Variants in SRL observed in about 807,000 individuals in gnomAD.
The protein encoded by SRL is sarcalumenin.
SRL carries 23 observed loss-of-function variants against 39.5 expected under a neutral mutation model. The ratio of observed to expected loss-of-function variants is 0.58; its 90% CI spans 0.42 to 0.82. The LOEUF (loss-of-function observed/expected upper bound fraction) is 0.82, where lower values mean the gene tolerates loss of function less well. Ranked by LOEUF, SRL falls within the 40% of genes least tolerant of loss-of-function variation. SRL has a pLI of 0.00. For synonymous variants in SRL, 272 were observed against 237.4 expected (o/e 1.15, Z -1.34); for missense variants, 592 against 607.8 (o/e 0.97, Z 0.27).
intron 1 of SRL, among the ~76,000 whole-genome samples, chr16:4,237,821 C>G (rs2052729211): frequency 6.6e-6 from 1 of 152,078 alleles, no homozygotes; most frequent in Non-Finnish European, 1.5e-5. Context: ...TCAAATATTC[C>G]CTCATCCGTA....
At chr16:4,211,419 T>C (rs2052390323) in intron 1 of SRL, among the ~76,000 whole-genome samples, 1 of 152,154 alleles carries the variant, frequency 6.6e-6, no homozygotes, top group African/African-American at 2.4e-5. Flanking sequence ...CCTTCAATGA[T>C]GATGGTGATG....
chr16:4,195,409 G>T, intron 5 of SRL, 144 bp downstream of exon 5: 1 of 778,678 alleles, frequency 1.3e-6, no homozygotes, highest in Non-Finnish European at 2.1e-6. Context: ...TGTTGCTCAG[G>T]CTGGTCTTGA....
chr16:4,214,537 C>T (rs533667254), intron 1 of SRL, among the ~76,000 whole-genome samples: 3 of 152,142 alleles, frequency 2.0e-5, no homozygotes, highest in African/African-American at 4.8e-5. Context: ...ATCCACCCCC[C>T]GCCCCACGTT....
Position 4,238,173 on chromosome 16 carries a change from G to A in SRL, c.61+3834C>T, listed in dbSNP as rs116076317. ...AAGGACTTATGCTGCGATGAGGCCT[G>A]GATTTGGGTTTGGAGCAGGGCATGT... On this transcript the variant is annotated intron_variant, in intron 1 of 5. Coordinates refer to ENST00000399609, the MANE Select transcript of SRL (RefSeq NM_001098814.2). Among the ~76,000 whole-genome samples the A allele has an allele frequency of 8.0e-3, 1,218 of 152,308 alleles. 25 individuals are homozygous for A. The highest frequency in any genetic ancestry group is 0.027 in the African/African-American group (1,139 of 41,574).
intron 1 of SRL, among the ~76,000 whole-genome samples, chr16:4,217,969 C>T (rs561792590): frequency 2.0e-5 from 3 of 152,248 alleles, no homozygotes; most frequent in African/African-American, 4.8e-5. Context: ...GCAGCTCAGG[C>T]GAGGAGCTGC....
At chr16:4,198,843 C>T (rs2052183481) in intron 3 of SRL, among the ~76,000 whole-genome samples, 1 of 152,204 alleles carries the variant, frequency 6.6e-6, no homozygotes, top group Non-Finnish European at 1.5e-5. Flanking sequence ...TTGGGTCCTG[C>T]ATCCAATGTC....
intron 1 of SRL, among the ~76,000 whole-genome samples, chr16:4,231,364 G>A (rs1446347555): frequency 6.6e-6 from 1 of 152,124 alleles, no homozygotes; most frequent in African/African-American, 2.4e-5. Flanking sequence ...GTGGCAAGTT[G>A]TTACCGTGGT....
At chr16:4,222,029 A>G (rs995697538) in intron 1 of SRL, among the ~76,000 whole-genome samples, 2 of 152,198 alleles carry the variant, frequency 1.3e-5, no homozygotes, top group African/African-American at 2.4e-5. Flanking sequence ...TCACATTCTG[A>G]GGTTCTGGGG....
Position 4,204,425 on chromosome 16 carries a change from C to T in SRL, c.163+108G>A, listed in dbSNP as rs74003219. On this transcript the variant is annotated intron_variant, in intron 2 of 5. Coordinates refer to ENST00000399609, the MANE Select transcript of SRL (RefSeq NM_001098814.2). ...CCAAGATAGATACAGCCCCGGCCTC[C>T]AAGATACAGCCCCGGCACGCCCTGG... is the stretch of plus-strand genomic sequence containing the variant. The T allele has an allele frequency of 2.8e-3, 1,677 of 602,248 alleles. 8 individuals carry two copies. The highest frequency in any genetic ancestry group is 3.1e-3 in the Non-Finnish European group (1,190 of 387,738). 37.3% of individuals were successfully genotyped at this position (602,248 alleles called of 1,614,324 possible).
At chr16:4,207,951 T>C in intron 1 of SRL, 1 of 456,680 alleles carries the variant, frequency 2.2e-6, no homozygotes, top group Non-Finnish European at 4.4e-6. Flanking sequence ...CTCCCTGCCA[T>C]CTGGGTAGTG....
intron 1 of SRL, among the ~76,000 whole-genome samples, chr16:4,213,603 G>C (rs781084607): frequency 2.0e-5 from 3 of 150,882 alleles, no homozygotes; most frequent in Non-Finnish European, 4.4e-5. Context: ...TAGAGATGAG[G>C]TCTCGCTATG....
At chr16:4,236,737 G>A (rs562008017) in intron 1 of SRL, among the ~76,000 whole-genome samples, 2 of 151,920 alleles carry the variant, frequency 1.3e-5, no homozygotes, top group South Asian at 2.1e-4. Context: ...TCTGCCTCCC[G>A]GGTACAAGCA....
chr16:4,206,932 T>C (rs1567179067), intron 1 of SRL: 5 of 455,536 alleles, frequency 1.1e-5, no homozygotes, highest in Non-Finnish European at 1.8e-5. Flanking sequence ...TGGGGCTCCC[T>C]GGCTTCCTGG....
intron 1 of SRL, chr16:4,207,935 C>T (rs1481779919): frequency 4.4e-6 from 2 of 456,756 alleles, no homozygotes; most frequent in Admixed American, 2.3e-5. Flanking sequence ...TCTTGGGGCT[C>T]TCGGCCTCCC....
intron 1 of SRL, among the ~76,000 whole-genome samples, chr16:4,227,071 G>GATGA (rs1473965699): frequency 2.7e-5 from 4 of 147,240 alleles, no homozygotes; most frequent in Admixed American, 1.4e-4. Context: ...TGGATGGATG[G>GATGA]ATGATGGATG....
chr16:4,203,390 G>T, intron 2 of SRL, 129 bp from the exon 3 acceptor site: 1 of 690,452 alleles, frequency 1.4e-6, no homozygotes, highest in Non-Finnish European at 2.6e-6. Flanking sequence ...GCTGTTTGCA[G>T]CCCAGCGACT....
intron 3 of SRL, among the ~76,000 whole-genome samples, chr16:4,200,192 CACTCACAT>C (rs1567175808): frequency 6.6e-6 from 1 of 152,202 alleles, no homozygotes; most frequent in Non-Finnish European, 1.5e-5. Flanking sequence ...ACACAGGAGA[CACTCACAT>C]CTCTGTGGAA....
intron 1 of SRL, among the ~76,000 whole-genome samples, chr16:4,238,788 ATTT>A (rs111353427): frequency 7.1e-6 from 1 of 140,670 alleles, no homozygotes. Flanking sequence ...ACACCGAGCT[ATTT>A]TTTTTTTTTT....
intron 3 of SRL, among the ~76,000 whole-genome samples, chr16:4,200,519 G>C (rs773219833): frequency 2.3e-4 from 35 of 152,210 alleles, no homozygotes; most frequent in Non-Finnish European, 4.1e-4. Flanking sequence ...TGAGTGCAGG[G>C]GCAAGGAAGC....
Sources: allele counts gnomAD v4.1 joint callset (sites outside exome capture counted in the v4.1 genomes callset), GRCh38; gene constraint gnomAD v4.1.1; transcripts MANE v1.5; gene names NCBI Gene and HGNC (gene_info 2026-07-23, HGNC 2026-07-21).